SOX6: variants seen among roughly 807,000 people sequenced by gnomAD.
SOX6 encodes SRY-box transcription factor 6, also known as transcription factor SOX-6.
SOX6 carries 11 observed loss-of-function variants against 97.8 expected under a neutral mutation model. That is an observed-to-expected ratio of 0.11 (90% CI 0.07 to 0.19). SOX6 has a LOEUF of 0.19. Among genes scored for constraint, SOX6 ranks in the 10% least tolerant of loss-of-function variants. The pLI is 1.00. For synonymous variants in SOX6, 360 were observed against 371.4 expected (o/e 0.97, Z 0.35); for missense variants, 810 against 1,039.5 (o/e 0.78, Z 3.04).
chr11:16,385,776 G>T (rs1857965487), intron 1 of SOX6, among the ~76,000 whole-genome samples: 2 of 152,146 alleles, frequency 1.3e-5, no homozygotes, highest in Admixed American at 1.3e-4. Context: ...AATTAATGCT[G>T]TGGAAATCCC....
intron 3 of SOX6, among the ~76,000 whole-genome samples, chr11:16,708,504 TTC>T (rs1848153714): frequency 6.6e-6 from 1 of 152,206 alleles, no homozygotes; most frequent in Non-Finnish European, 1.5e-5. Context: ...TGTAATGAGA[TTC>T]TCTCATTTCC....
chr11:16,640,478 A>G lies in SOX6; in HGVS notation n.430-28218T>C, dbSNP rs529485328. Reference sequence around the variant, plus strand: ...TTCTATTGATTGGAATAGTTTCAGAAGGAATGGTACCAGCTCCTCCTTGTA... The same window carrying G: ...TTCTATTGATTGGAATAGTTTCAGAGGGAATGGTACCAGCTCCTCCTTGTA... On this transcript the variant is annotated intron_variant and non_coding_transcript_variant, in intron 3 of 5. Coordinates refer to the SOX6 transcript ENST00000524520. 2.0e-5 allele frequency among the ~76,000 whole-genome samples: 3 copies of G among 152,344 alleles called. No homozygotes were observed. In the East Asian group the frequency reaches 5.8e-4, roughly 29 times the overall value.
chr11:16,590,605 C>T (rs865957427), intron 4 of SOX6, among the ~76,000 whole-genome samples: 1 of 151,956 alleles, frequency 6.6e-6, no homozygotes, highest in Admixed American at 6.6e-5. Flanking sequence ...CAATGGAGTA[C>T]TATTTAGCCA....
At position 16,035,823 on chromosome 11, in the gene SOX6, A is replaced by C. The variant is rs144933804; in HGVS notation, c.1623+10691T>G. Reference sequence around the variant, plus strand: ...GATAGTATAGAACAACATAAGCAGCACTAAGACTGAATTTAGCACTTTGAG... The same window carrying C: ...GATAGTATAGAACAACATAAGCAGCCCTAAGACTGAATTTAGCACTTTGAG... On this transcript the variant is annotated intron_variant, in intron 12 of 15. Transcript: ENST00000683767. 3.3e-3 allele frequency among the ~76,000 whole-genome samples: 501 copies of C among 152,318 alleles called. 1 individual carries two copies. The highest frequency in any genetic ancestry group is 0.012 in the African/African-American group (480 of 41,582).
intron 11 of SOX6, among the ~76,000 whole-genome samples, chr11:16,047,803 T>C (rs1022051063): frequency 6.6e-6 from 1 of 151,966 alleles, no homozygotes; most frequent in Non-Finnish European, 1.5e-5. Flanking sequence ...TCATACTGGA[T>C]GTCTGATGTG....
At chr11:16,084,729 C>G (rs1264037914) in intron 9 of SOX6, among the ~76,000 whole-genome samples, 5 of 152,106 alleles carry the variant, frequency 3.3e-5, no homozygotes, top group Non-Finnish European at 7.4e-5. Context: ...AGCTGGTAAA[C>G]CAAGGGTAGC....
intron 9 of SOX6, among the ~76,000 whole-genome samples, chr11:16,064,785 T>C (rs112916430): frequency 0.011 from 1,608 of 152,020 alleles, 27 homozygotes; most frequent in African/African-American, 0.037. Flanking sequence ...TTTCAACTGA[T>C]GCTGAAAAAG....
At chr11:16,194,647 A>G (rs1472766797) in intron 4 of SOX6, among the ~76,000 whole-genome samples, 1 of 152,192 alleles carries the variant, frequency 6.6e-6, no homozygotes, top group Non-Finnish European at 1.5e-5. Context: ...TTCCTAAATT[A>G]AGATCAAACT....
chr11:16,531,789 C>A (rs757265390), intron 4 of SOX6, among the ~76,000 whole-genome samples: 1 of 151,802 alleles, frequency 6.6e-6, no homozygotes, highest in Non-Finnish European at 1.5e-5. Context: ...TCTTTTGATC[C>A]GTATTTCTTT....
chr11:16,240,529 C>T (rs1853163208), intron 3 of SOX6, among the ~76,000 whole-genome samples: 1 of 151,950 alleles, frequency 6.6e-6, no homozygotes, highest in Non-Finnish European at 1.5e-5. Context: ...CAGTACTTAA[C>T]ATACGTCAAT....
chr11:16,523,515 C>A (rs1184262102), intron 4 of SOX6, among the ~76,000 whole-genome samples: 1 of 151,572 alleles, frequency 6.6e-6, no homozygotes, highest in Non-Finnish European at 1.5e-5. Context: ...CACTAAATGC[C>A]CACAAGAGAA....
At chr11:16,236,614 C>T (rs956310363) in intron 3 of SOX6, among the ~76,000 whole-genome samples, 6 of 151,804 alleles carry the variant, frequency 4.0e-5, no homozygotes, top group Non-Finnish European at 8.8e-5. Context: ...GAGTTGAGAG[C>T]ATATAGTATA....
chr11:16,033,013 C>CCCTCTATTGT (rs533240482), intron 12 of SOX6, among the ~76,000 whole-genome samples: 105 of 152,244 alleles, frequency 6.9e-4, no homozygotes, highest in African/African-American at 2.4e-3. Flanking sequence ...GGCACACAGA[C>CCCTCTATTGT]CCTCTATTGT....
chr11:16,275,894 T>C (rs760598515), intron 3 of SOX6, among the ~76,000 whole-genome samples: 11 of 152,198 alleles, frequency 7.2e-5, no homozygotes, highest in East Asian at 1.9e-4. Context: ...CATATTGTAA[T>C]ATTTGTAGTT....
intron 4 of SOX6, among the ~76,000 whole-genome samples, chr11:16,221,843 A>C (rs1394994467): frequency 3.3e-5 from 5 of 152,146 alleles, no homozygotes; most frequent in Admixed American, 2.0e-4. Flanking sequence ...AATGTTACAA[A>C]ATCATGCATG....
At chr11:16,576,748 A>G (rs1847988002) in intron 4 of SOX6, 2 of 152,240 alleles carry the variant, frequency 1.3e-5, no homozygotes, top group Non-Finnish European at 2.9e-5. Flanking sequence ...CCTATGTGAA[A>G]GGTCTTTATC....
intron 1 of SOX6, among the ~76,000 whole-genome samples, chr11:16,370,226 A>G (rs1267599857): frequency 6.6e-6 from 1 of 152,114 alleles, no homozygotes; most frequent in Non-Finnish European, 1.5e-5. Context: ...TAGCTGCTTC[A>G]TACAGTTATT....
chr11:16,139,950 A>AG, intron 6 of SOX6, among the ~76,000 whole-genome samples: 1 of 139,174 alleles, frequency 7.2e-6, no homozygotes, highest in Non-Finnish European at 1.5e-5. Context: ...TGGCTCATAT[A>AG]TTATATATAT....
chr11:16,562,163 G>A (rs533215542), intron 4 of SOX6, among the ~76,000 whole-genome samples: 9 of 152,032 alleles, frequency 5.9e-5, no homozygotes, highest in African/African-American at 1.2e-4. Flanking sequence ...TTCCAATTCC[G>A]GGAAGATGGG....
Sources: gnomAD v4.1 joint callset for allele counts (sites outside exome capture counted in the v4.1 genomes callset) on GRCh38, gnomAD v4.1.1 for gene constraint, MANE v1.5 for transcripts, NCBI Gene and HGNC (gene_info 2026-07-23, HGNC 2026-07-21) for gene names.